PLXDC2: variants seen among roughly 807,000 people sequenced by gnomAD.
The protein encoded by PLXDC2 is plexin domain containing 2, also known as plexin domain-containing protein 2.
PLXDC2 carries 40 observed loss-of-function variants against 68.9 expected under a neutral mutation model. The ratio of observed to expected loss-of-function variants is 0.58; its 90% confidence interval spans 0.45 to 0.76. The LOEUF is 0.76. PLXDC2 is among the 30% of genes least tolerant of loss of function. The pLI is 0.00. For synonymous variants in PLXDC2, 243 were observed against 234.2 expected (o/e 1.04, Z -0.34); for missense variants, 644 against 661.9 (o/e 0.97, Z 0.30).
intron 3 of PLXDC2, among the ~76,000 whole-genome samples, chr10:20,049,980 C>A (rs1339354616): frequency 6.6e-6 from 1 of 152,066 alleles, no homozygotes; most frequent in Non-Finnish European, 1.5e-5. Context: ...GCTGAAGTAA[C>A]CAAAACAGCA....
At position 20,030,445 on chromosome 10, in the gene PLXDC2, T is replaced by C. The variant is rs562702754; in HGVS notation, c.325-16424T>C. On this transcript the variant is annotated intron_variant, in intron 2 of 13. Coordinates refer to ENST00000377252, the MANE Select transcript of PLXDC2 (RefSeq NM_032812.9). ...CTTACCCTTCTTAGATTCTGTCACT[T>C]TATGATGTGAACAAAATCCTCTGAA... Among the ~76,000 whole-genome samples, 15 of 152,280 alleles carry C rather than the reference T, an allele frequency of 9.9e-5. No individual in the cohort carries two copies. In the South Asian group the frequency reaches 3.1e-3, roughly 32 times the overall value.
chr10:19,853,501 C>T (rs1837158336), intron 1 of PLXDC2, among the ~76,000 whole-genome samples: 1 of 151,906 alleles, frequency 6.6e-6, no homozygotes, highest in Non-Finnish European at 1.5e-5. Context: ...AGGGATCTGC[C>T]TGCCTCGCCC....
intron 1 of PLXDC2, 21 bp downstream of exon 1, chr10:19,817,212 C>T: frequency 6.5e-7 from 1 of 1,544,672 alleles, no homozygotes; most frequent in Non-Finnish European, 8.8e-7. Context: ...TGCACTTTAG[C>T]TTGCTGATTT....
intron 13 of PLXDC2, among the ~76,000 whole-genome samples, chr10:20,270,393 C>T (rs1212167780): frequency 6.6e-6 from 1 of 152,044 alleles, no homozygotes; most frequent in African/African-American, 2.4e-5. Context: ...ACTGAGATTC[C>T]AAGAAAGTAA....
chr10:20,003,593 G>A (rs1354941568), intron 2 of PLXDC2, among the ~76,000 whole-genome samples: 4 of 151,952 alleles, frequency 2.6e-5, no homozygotes, highest in Admixed American at 6.6e-5. Context: ...CCACCACACC[G>A]GCTAATTTTT....
In PLXDC2 at chr10:20,281,041, AT is replaced by A. The variant is rs1460393258; in HGVS notation, c.*1223del. 11 of 152,288 alleles carry A rather than the reference AT, an allele frequency of 7.2e-5. No homozygotes were observed. Among genetic ancestry groups the A allele is most frequent in the African/African-American group, 2.6e-4 (11 of 41,572 alleles). 9.4% of individuals were successfully genotyped at this position (152,288 alleles called of 1,614,324 possible). A position where few individuals can be genotyped will look rare whatever the true frequency, so the allele number is the denominator to read the frequency against. On this transcript the variant is annotated 3_prime_UTR_variant, in exon 14 of 14. Transcript: ENST00000377252. ...TGCATTACTTCCATAGAGTTGTAAAATAATCCTTAATATTAGAATATTTTTC... is the reference window on the plus strand; with the variant it reads ...TGCATTACTTCCATAGAGTTGTAAAAAATCCTTAATATTAGAATATTTTTC...
chr10:20,210,485 C>T (rs566109361), intron 9 of PLXDC2, among the ~76,000 whole-genome samples: 7 of 152,076 alleles, frequency 4.6e-5, no homozygotes, highest in East Asian at 1.9e-4. Context: ...TGTAAGAGTA[C>T]GTAGGGAAGA....
At chr10:19,967,673 T>C (rs545282068) in intron 1 of PLXDC2, among the ~76,000 whole-genome samples, 1 of 152,318 alleles carries the variant, frequency 6.6e-6, no homozygotes, top group Admixed American at 6.5e-5. Context: ...TGTTACAGCA[T>C]ACTGAAAAAA....
intron 1 of PLXDC2, among the ~76,000 whole-genome samples, chr10:19,827,280 T>C (rs1836590288): frequency 6.6e-6 from 1 of 152,212 alleles, no homozygotes; most frequent in African/African-American, 2.4e-5. Context: ...AGCTTTATAA[T>C]AAGTCTTTAT....
intron 1 of PLXDC2, among the ~76,000 whole-genome samples, chr10:19,932,248 G>T (rs1212548437): frequency 1.3e-5 from 2 of 152,090 alleles, no homozygotes. Context: ...CTTCCAAAGG[G>T]TCTATTTTTT....
At chr10:19,907,792 G>C (rs943626703) in intron 1 of PLXDC2, among the ~76,000 whole-genome samples, 1 of 152,044 alleles carries the variant, frequency 6.6e-6, no homozygotes, top group South Asian at 2.1e-4. Flanking sequence ...ACATAAAAGG[G>C]GTATCGGACT....
chr10:19,876,430 T>A (rs1339496630), intron 1 of PLXDC2, among the ~76,000 whole-genome samples: 1 of 151,906 alleles, frequency 6.6e-6, no homozygotes, highest in African/African-American at 2.4e-5. Context: ...TAAAAGCCAA[T>A]TTTTAGAGAG....
At chr10:20,014,744 A>ATT (rs1835180308) in intron 2 of PLXDC2, among the ~76,000 whole-genome samples, 1 of 152,158 alleles carries the variant, frequency 6.6e-6, no homozygotes. Context: ...CATTTCAAGG[A>ATT]TTTTAAAAAA....
chr10:19,844,013 C>T (rs1836953685), intron 1 of PLXDC2, among the ~76,000 whole-genome samples: 1 of 152,102 alleles, frequency 6.6e-6, no homozygotes, highest in East Asian at 1.9e-4. Context: ...ATATTCTACA[C>T]ATGTGACAAA....
intron 9 of PLXDC2, among the ~76,000 whole-genome samples, chr10:20,199,309 A>T (rs759051504): frequency 6.6e-6 from 1 of 151,990 alleles, no homozygotes; most frequent in East Asian, 1.9e-4. Context: ...CAACATAAAA[A>T]TATGCTAAAC....
At chr10:19,890,676 C>CT (rs56921191) in intron 1 of PLXDC2, among the ~76,000 whole-genome samples, 659 of 61,138 alleles carry the variant, frequency 0.011, 12 homozygotes, top group African/African-American at 0.015. Context: ...CGCCCGGCTG[C>CT]TTTTTTTTTT....
chr10:20,083,223 C>T (rs1448315111), intron 4 of PLXDC2, among the ~76,000 whole-genome samples: 2 of 152,042 alleles, frequency 1.3e-5, no homozygotes, highest in Non-Finnish European at 2.9e-5. Flanking sequence ...CACCTGTAAT[C>T]CCAGCACTTT....
At chr10:20,201,029 C>T (rs1201324337) in intron 9 of PLXDC2, among the ~76,000 whole-genome samples, 1 of 151,986 alleles carries the variant, frequency 6.6e-6, no homozygotes, top group South Asian at 2.1e-4. Flanking sequence ...CTACTAGACA[C>T]TGATGCAAAG....
chr10:19,898,994 G>C (rs1162391370), intron 1 of PLXDC2, among the ~76,000 whole-genome samples: 3 of 152,066 alleles, frequency 2.0e-5, no homozygotes, highest in African/African-American at 7.2e-5. Context: ...TACAAAAAGA[G>C]AAATAGAAAT....
Sources: allele counts gnomAD v4.1 joint callset (sites outside exome capture counted in the v4.1 genomes callset), GRCh38; gene constraint gnomAD v4.1.1; transcripts MANE v1.5; gene names NCBI Gene and HGNC (gene_info 2026-07-23, HGNC 2026-07-21).